TTLL5: variants seen among roughly 807,000 people sequenced by gnomAD.
The protein encoded by TTLL5 is tubulin polyglutamylase TTLL5.
Under a neutral mutation model 168.4 loss-of-function variants are expected in TTLL5, and 132 were observed. The ratio of observed to expected loss-of-function variants is 0.78; its 90% confidence interval spans 0.68 to 0.91. The LOEUF is 0.91. TTLL5 is among the 40% of genes least tolerant of loss of function. The pLI is 0.00. For synonymous variants in TTLL5, 546 were observed against 558.6 expected, an observed-to-expected ratio of 0.98 and a Z score of 0.32; for missense variants, 1,545 against 1,581.5, an observed-to-expected ratio of 0.98 and a Z score of 0.39.
chr14:75,947,084 G>A (rs557594880), intron 31 of TTLL5, among the ~76,000 whole-genome samples: 9 of 152,350 alleles, frequency 5.9e-5, no homozygotes, highest in African/African-American at 2.2e-4. Context: ...TCTGAGTGTA[G>A]TGGTAGCCAT....
intron 31 of TTLL5, among the ~76,000 whole-genome samples, chr14:75,930,961 TC>T (rs1250378621): frequency 6.6e-6 from 1 of 152,212 alleles, no homozygotes; most frequent in Admixed American, 6.5e-5. Context: ...TGTTCCTTCT[TC>T]CTGATAAAGC....
At chr14:75,893,892 A>G (rs1440108894) in intron 30 of TTLL5, among the ~76,000 whole-genome samples, 2 of 151,632 alleles carry the variant, frequency 1.3e-5, no homozygotes, top group Admixed American at 1.3e-4. Flanking sequence ...TATACCTGAA[A>G]TTCAAACTAG....
chr14:75,905,886 A>G (rs1175151531), intron 31 of TTLL5, among the ~76,000 whole-genome samples: 2 of 151,996 alleles, frequency 1.3e-5, no homozygotes, highest in Non-Finnish European at 1.5e-5. Flanking sequence ...CCCTCCTTTT[A>G]TTTTTAAGCT....
At chr14:75,932,678 G>T (rs2034313241) in intron 31 of TTLL5, among the ~76,000 whole-genome samples, 1 of 152,170 alleles carries the variant, frequency 6.6e-6, no homozygotes, top group African/African-American at 2.4e-5. Flanking sequence ...TAGTAGCTGT[G>T]CACTCTGAAG....
Position 75,764,623 on chromosome 14 carries a change from C to T in TTLL5, c.1559C>T (p.Ala520Val). ...TGTTGCTTTTCCCCTAGAATGACTGCTGATGGAGCGCCAGAATTGAAGATA... is the reference window on the plus strand; with the variant it reads ...TGTTGCTTTTCCCCTAGAATGACTGTTGATGGAGCGCCAGAATTGAAGATA... ...ATRLFQDRMT[A>V]DGAPELKIES... is the part of the protein sequence containing the mutation. Residue 520 changes from alanine to valine, a missense_variant, in exon 19 of 32, where the codon GCT becomes GTT. By Grantham distance (64) the Ala-to-Val change is moderately conservative. Coordinates refer to ENST00000298832, the MANE Select transcript of TTLL5 (RefSeq NM_015072.5). The T allele has an allele frequency of 6.2e-7, 1 of 1,614,038 alleles. No homozygotes were observed. The highest frequency in any genetic ancestry group is 8.5e-7 in the Non-Finnish European group (1 of 1,179,914).
At chr14:75,930,646 GATAAGTGACGGGGGGAA>G in intron 31 of TTLL5, 1 of 985,378 alleles carries the variant, frequency 1.0e-6, no homozygotes, top group African/African-American at 1.7e-5. Context: ...TCAAGTGGGA[GATAAGTGACGGGGGGAA>G]ATGCAAAAAT....
At chr14:75,779,881 G>C (rs1891945709) in intron 24 of TTLL5, among the ~76,000 whole-genome samples, 179 bp downstream of exon 24, 1 of 152,142 alleles carries the variant, frequency 6.6e-6, no homozygotes, top group South Asian at 2.1e-4. Context: ...AAAAGCAGAA[G>C]AAGGGCATGG....
chr14:75,871,940 C>G (rs1205371294), intron 29 of TTLL5, among the ~76,000 whole-genome samples: 1 of 152,144 alleles, frequency 6.6e-6, no homozygotes, highest in Non-Finnish European at 1.5e-5. Context: ...TTAGAGATTG[C>G]CTTTGACTAA....
intron 27 of TTLL5, among the ~76,000 whole-genome samples, chr14:75,804,506 A>G (rs956557655): frequency 6.6e-6 from 1 of 152,248 alleles, no homozygotes; most frequent in Non-Finnish European, 1.5e-5. Context: ...AGCTTCAGCA[A>G]TTGGCACTGG....
At chr14:75,900,193 T>C (rs1223944187) in intron 30 of TTLL5, among the ~76,000 whole-genome samples, 3 of 152,294 alleles carry the variant, frequency 2.0e-5, no homozygotes, top group East Asian at 1.9e-4. Flanking sequence ...GGATTTCCGA[T>C]GTGGCTGTCC....
intron 30 of TTLL5, among the ~76,000 whole-genome samples, chr14:75,884,910 C>T (rs2032023545): frequency 6.6e-6 from 1 of 151,144 alleles, no homozygotes; most frequent in Non-Finnish European, 1.5e-5. Context: ...GTGGCTCACG[C>T]CTGTAATCCC....
chr14:75,737,069 G>A (rs965495337), intron 15 of TTLL5, among the ~76,000 whole-genome samples: 2 of 152,206 alleles, frequency 1.3e-5, no homozygotes, highest in African/African-American at 4.8e-5. Context: ...TTCACTTCTA[G>A]AGGTAGCTGT....
At chr14:75,915,569 C>T (rs1200235336) in intron 31 of TTLL5, among the ~76,000 whole-genome samples, 1 of 152,194 alleles carries the variant, frequency 6.6e-6, no homozygotes, top group Non-Finnish European at 1.5e-5. Context: ...ATCACTTAAC[C>T]TCTTTCAGCC....
Position 75,879,324 on chromosome 14 carries a change from G to A in TTLL5, c.3523-3361G>A, listed in dbSNP as rs191914548. On this transcript the variant is annotated intron_variant, in intron 29 of 31. Transcript: ENST00000298832. Reference sequence around the variant, plus strand: ...TTTTAAGAATTTGCTTTCACAACTAGTGAGTGTCATAAGTCTGGAAAAATA... The same window carrying A: ...TTTTAAGAATTTGCTTTCACAACTAATGAGTGTCATAAGTCTGGAAAAATA... 2.2e-4 allele frequency among the ~76,000 whole-genome samples: 34 copies of A among 152,334 alleles called. 1 individual carries two copies. The East Asian group carries it at 5.2e-3, about 23-fold the overall frequency.
At chr14:75,832,616 C>T (rs1054906450) in intron 28 of TTLL5, among the ~76,000 whole-genome samples, 35 of 152,202 alleles carry the variant, frequency 2.3e-4, no homozygotes, top group Admixed American at 1.3e-4. Context: ...CATATGTGAA[C>T]GTGCTTTGTA....
chr14:75,724,362 G>A lies in TTLL5; in HGVS notation c.1042+3659G>A, dbSNP rs142135642. The stretch of plus-strand genomic sequence containing the variant: ...AGTCATAGGTTAGCCTTTCGGCAGT[G>A]TATTACCATCAAGTTTGTTCCTCTC... On this transcript the variant is annotated intron_variant, in intron 12 of 31. Transcript: ENST00000298832. 3.9e-5 allele frequency among the ~76,000 whole-genome samples: 6 copies of A among 152,270 alleles called. No homozygotes were observed. The East Asian group carries it at 1.2e-3, about 29-fold the overall frequency.
intron 31 of TTLL5, among the ~76,000 whole-genome samples, chr14:75,943,433 T>C (rs1489916503): frequency 6.6e-6 from 1 of 152,210 alleles, no homozygotes; most frequent in East Asian, 1.9e-4. Flanking sequence ...ATCTGGAAAC[T>C]TGGTGCTAAA....
intron 27 of TTLL5, among the ~76,000 whole-genome samples, chr14:75,816,934 A>G (rs1265203809): frequency 2.0e-5 from 3 of 151,396 alleles, no homozygotes; most frequent in Non-Finnish European, 4.4e-5. Flanking sequence ...GTGGCCAGAG[A>G]AGTTACTACC....
At chr14:75,817,830 C>CTTTTCTT (rs1894533849) in intron 27 of TTLL5, among the ~76,000 whole-genome samples, 2 of 83,860 alleles carry the variant, frequency 2.4e-5, no homozygotes, top group East Asian at 3.4e-4. Flanking sequence ...CTTTTCTTTT[C>CTTTTCTT]TTTTTTTTTT....
Sources: gnomAD v4.1 joint callset for allele counts (sites outside exome capture counted in the v4.1 genomes callset) on GRCh38, gnomAD v4.1.1 for gene constraint, MANE v1.5 for transcripts, NCBI Gene and HGNC (gene_info 2026-07-23, HGNC 2026-07-21) for gene names.